CCDC102B: variants seen among roughly 807,000 people sequenced by gnomAD.
The protein encoded by CCDC102B is coiled-coil domain-containing protein 102B.
In CCDC102B, 75 loss-of-function variants were observed where a neutral mutation model predicts 57.4. That is an observed-to-expected ratio of 1.31 (90% CI 1.08 to 1.58). CCDC102B has a LOEUF of 1.58. Ranked by LOEUF, CCDC102B falls within the 40% of genes most tolerant of loss-of-function variation. CCDC102B has a pLI of 0.00. For missense variants in CCDC102B, 636 were observed against 582.6 expected (o/e 1.09, Z -0.94); for synonymous variants, 206 against 201.9 (o/e 1.02, Z -0.17).
At chr18:68,741,254 G>T (rs1047182849) in intron 2 of CCDC102B, among the ~76,000 whole-genome samples, 1 of 152,220 alleles carries the variant, frequency 6.6e-6, no homozygotes, top group African/African-American at 2.4e-5. Context: ...CCATCCAATG[G>T]TGTCCAGATT....
At chr18:68,808,627 G>A (rs1329577786) in intron 1 of CCDC102B, among the ~76,000 whole-genome samples, 7 of 151,720 alleles carry the variant, frequency 4.6e-5, no homozygotes, top group Admixed American at 2.0e-4. Flanking sequence ...ACAGGCGCCC[G>A]CCACCACGCC....
intron 1 of CCDC102B, among the ~76,000 whole-genome samples, chr18:68,813,059 G>C (rs2036329748): frequency 6.6e-6 from 1 of 152,092 alleles, no homozygotes; most frequent in Non-Finnish European, 1.5e-5. Flanking sequence ...CCATGTGTTG[G>C]GGGAGTGGTC....
chr18:68,892,039 C>T (rs1754770981), intron 5 of CCDC102B, among the ~76,000 whole-genome samples: 1 of 152,174 alleles, frequency 6.6e-6, no homozygotes, highest in Non-Finnish European at 1.5e-5. Context: ...AATATGCCCT[C>T]TTTTGTCGAT....
chr18:68,797,804 C>G (rs79786179), upstream of CCDC102B, among the ~76,000 whole-genome samples: 3,471 of 127,642 alleles, frequency 0.027, 133 homozygotes, highest in African/African-American at 0.089. Context: ...ATTATTATTA[C>G]AAGTTATACT....
chr18:68,986,538 C>T (rs1021405109), intron 6 of CCDC102B, among the ~76,000 whole-genome samples: 1 of 152,086 alleles, frequency 6.6e-6, no homozygotes, highest in Admixed American at 6.6e-5. Context: ...CAACACCATA[C>T]TGAATGGGCA....
intron 2 of CCDC102B, among the ~76,000 whole-genome samples, chr18:68,747,759 C>T (rs1336287175): frequency 1.3e-5 from 2 of 152,156 alleles, no homozygotes; most frequent in African/African-American, 2.4e-5. Context: ...ACATTTTTTC[C>T]GTTCATCTTG....
Position 68,838,915 on chromosome 18 carries a change from G to T in CCDC102B, c.816G>T (p.Trp272Cys). 1 of 1,613,254 alleles carries T rather than the reference G, an allele frequency of 6.2e-7. No homozygotes were observed. Among genetic ancestry groups the T allele is most frequent in the Non-Finnish European group, 8.5e-7 (1 of 1,179,446 alleles). The change falls in exon 3 of 8, where the codon TGG becomes TGT. Residue 272 changes from tryptophan to cysteine, a missense_variant. Transcript: ENST00000360242. ...VHLDEFQKIL[W>C]KEREMRTALE... ...TGGATGAATTCCAAAAAATCTTATG[G>T]AAGGAAAGAGAGTAAGTGCTAATCA...
intron 7 of CCDC102B, among the ~76,000 whole-genome samples, chr18:69,015,931 TG>T (rs1466131332): frequency 1.3e-5 from 2 of 152,058 alleles, no homozygotes; most frequent in African/African-American, 4.8e-5. Flanking sequence ...CTTGGCTCAC[TG>T]CAAGCTCTGC....
intron 6 of CCDC102B, among the ~76,000 whole-genome samples, chr18:68,988,566 CAAAA>C (rs4021722): frequency 2.9e-5 from 4 of 136,334 alleles, no homozygotes; most frequent in African/African-American, 1.2e-4. Flanking sequence ...CAAAAAAAAA[CAAAA>C]AAAAAGGAAA....
rs189209394 is a variant in CCDC102B, at chr18:68,825,614, A to C, written c.-15-11135A>C. ...CTGAGGCAGGAGAATCACTTGAACCAGGGAGACAGAAGTTGCAGTGAGCCG... is the reference window on the plus strand; with the variant it reads ...CTGAGGCAGGAGAATCACTTGAACCCGGGAGACAGAAGTTGCAGTGAGCCG... On this transcript the variant is annotated intron_variant, in intron 1 of 7. Coordinates refer to ENST00000360242, the MANE Select transcript of CCDC102B (RefSeq NM_024781.3). 3.4e-4 allele frequency among the ~76,000 whole-genome samples: 52 copies of C among 152,194 alleles called. 1 individual carries two copies. In the East Asian group the frequency reaches 9.7e-3, roughly 28 times the overall value.
chr18:68,925,836 A>C (rs1173350490), intron 6 of CCDC102B, among the ~76,000 whole-genome samples: 1 of 152,020 alleles, frequency 6.6e-6, no homozygotes, highest in African/African-American at 2.4e-5. Flanking sequence ...AGTCATTAAC[A>C]CCAATACAAT....
chr18:69,023,546 T>A (rs2051905191), intron 7 of CCDC102B, among the ~76,000 whole-genome samples: 1 of 151,724 alleles, frequency 6.6e-6, no homozygotes, highest in African/African-American at 2.4e-5. Context: ...GCTACTGGTA[T>A]AATTTATTAA....
At chr18:68,828,234 T>G (rs2036985172) in intron 1 of CCDC102B, among the ~76,000 whole-genome samples, 1 of 148,012 alleles carries the variant, frequency 6.8e-6, no homozygotes, top group Non-Finnish European at 1.5e-5. Context: ...GATCTAATTG[T>G]CATTTATAGA....
At chr18:68,750,439 G>C (rs1172698158) in intron 2 of CCDC102B, among the ~76,000 whole-genome samples, 1 of 152,156 alleles carries the variant, frequency 6.6e-6, no homozygotes, top group Non-Finnish European at 1.5e-5. Flanking sequence ...CATCCCATTA[G>C]TGGGTATATA....
At chr18:69,014,215 A>G (rs553971509) in intron 7 of CCDC102B, among the ~76,000 whole-genome samples, 77 of 152,334 alleles carry the variant, frequency 5.1e-4, no homozygotes, top group Admixed American at 4.2e-3. Flanking sequence ...CTGGGCTAAA[A>G]TAGACTAATT....
chr18:68,987,468 T>C (rs1160855707), intron 6 of CCDC102B, among the ~76,000 whole-genome samples: 5 of 152,096 alleles, frequency 3.3e-5, no homozygotes, highest in African/African-American at 1.2e-4. Context: ...GAAAGAAACC[T>C]AGGAAACACC....
chr18:68,827,536 C>T (rs1427970095), intron 1 of CCDC102B, among the ~76,000 whole-genome samples: 2 of 151,644 alleles, frequency 1.3e-5, no homozygotes, highest in Non-Finnish European at 2.9e-5. Context: ...AGGTGGAATC[C>T]AAACAAAAAT....
At chr18:69,013,952 T>C (rs1314860853) in intron 7 of CCDC102B, among the ~76,000 whole-genome samples, 3 of 152,184 alleles carry the variant, frequency 2.0e-5, no homozygotes, top group Non-Finnish European at 2.9e-5. Context: ...AACCTAATGC[T>C]AAAGCTCTGA....
intron 1 of CCDC102B, among the ~76,000 whole-genome samples, chr18:68,832,172 AT>A (rs2037171984): frequency 6.6e-6 from 1 of 152,210 alleles, no homozygotes. Context: ...ACGATAAACA[AT>A]AAGACAAAAA....
Sources: allele counts gnomAD v4.1 joint callset (sites outside exome capture counted in the v4.1 genomes callset), GRCh38; gene constraint gnomAD v4.1.1; transcripts MANE v1.5; gene names NCBI Gene and HGNC (gene_info 2026-07-23, HGNC 2026-07-21).